Variants in RABGAP1L observed in about 807,000 individuals in gnomAD.
RABGAP1L encodes rab GTPase-activating protein 1-like.
RABGAP1L carries 63 observed loss-of-function variants against 137.7 expected under a neutral mutation model. The ratio of observed to expected loss-of-function variants is 0.46; its 90% CI spans 0.37 to 0.56. The LOEUF (loss-of-function observed/expected upper bound fraction) is 0.56. Among genes scored for constraint, RABGAP1L ranks in the 20% least tolerant of loss-of-function variants. The pLI is 0.00. For missense variants in RABGAP1L, 1,095 were observed against 1,244.0 expected, an observed-to-expected ratio of 0.88 and a Z score of 1.80; for synonymous variants, 431 against 433.7, an observed-to-expected ratio of 0.99 and a Z score of 0.08.
intron 18 of RABGAP1L, among the ~76,000 whole-genome samples, chr1:174,805,655 C>T (rs890157924): frequency 2.0e-5 from 3 of 152,124 alleles, no homozygotes; most frequent in Non-Finnish European, 4.4e-5. Flanking sequence ...GTGCGTGCCA[C>T]CACGCCCAGC....
intron 11 of RABGAP1L, among the ~76,000 whole-genome samples, chr1:174,362,687 G>C (rs1219175149): frequency 6.6e-6 from 1 of 152,144 alleles, no homozygotes; most frequent in Non-Finnish European, 1.5e-5. Context: ...ACTTTTGTCA[G>C]ATGCATAAAT....
Position 174,548,102 on chromosome 1 carries a change from G to A in RABGAP1L, c.1711-89273G>A, listed in dbSNP as rs373552071. The stretch of plus-strand genomic sequence containing the variant: ...CTTAGCATGAGTGCTTTCTTTGCAT[G>A]GGAGGTTGCAGTTTAGAAGCAACTT... On this transcript the variant is annotated intron_variant, in intron 13 of 25. Transcript: ENST00000681986. 18 of 1,539,264 alleles carry A rather than the reference G, an allele frequency of 1.2e-5. No homozygotes were observed. In the African/African-American group the frequency reaches 2.2e-4, roughly 19 times the overall value.
At chr1:174,909,610 G>T (rs571924894) in intron 19 of RABGAP1L, among the ~76,000 whole-genome samples, 1 of 152,106 alleles carries the variant, frequency 6.6e-6, no homozygotes, top group African/African-American at 2.4e-5. Context: ...AAGTGAAAGT[G>T]GTTTTTATGG....
chr1:174,270,737 A>G (rs946255233), intron 7 of RABGAP1L, among the ~76,000 whole-genome samples: 1 of 152,064 alleles, frequency 6.6e-6, no homozygotes, highest in Non-Finnish European at 1.5e-5. Context: ...GGGAGAAATT[A>G]TTTTTTCTTT....
intron 3 of RABGAP1L, among the ~76,000 whole-genome samples, chr1:174,229,073 C>T (rs897129645): frequency 3.3e-5 from 5 of 151,414 alleles, no homozygotes; most frequent in African/African-American, 7.3e-5. Context: ...GCGAAGCAAT[C>T]GTAGATTCAT....
chr1:174,297,471 C>T (rs1453867498), intron 10 of RABGAP1L, among the ~76,000 whole-genome samples: 1 of 152,172 alleles, frequency 6.6e-6, no homozygotes, highest in East Asian at 1.9e-4. Context: ...GCAAACAGGG[C>T]GAACTTCTCG....
chr1:174,872,348 A>G (rs934130103), intron 19 of RABGAP1L, among the ~76,000 whole-genome samples: 1 of 152,116 alleles, frequency 6.6e-6, no homozygotes, highest in African/African-American at 2.4e-5. Flanking sequence ...GTAAAAACTC[A>G]GTAGGTGTTA....
chr1:174,422,195 C>A (rs951782483), intron 13 of RABGAP1L, among the ~76,000 whole-genome samples: 1 of 152,128 alleles, frequency 6.6e-6, no homozygotes, highest in African/African-American at 2.4e-5. Flanking sequence ...TATCTTGATA[C>A]GCTTAATGGC....
At chr1:174,627,264 A>G (rs1672997045) in intron 13 of RABGAP1L, among the ~76,000 whole-genome samples, 1 of 152,222 alleles carries the variant, frequency 6.6e-6, no homozygotes, top group Non-Finnish European at 1.5e-5. Flanking sequence ...AGTCTTCCTC[A>G]CTAAAATACC....
chr1:174,271,913 A>G (rs918286944), intron 7 of RABGAP1L, among the ~76,000 whole-genome samples: 8 of 151,996 alleles, frequency 5.3e-5, no homozygotes, highest in Non-Finnish European at 1.2e-4. Context: ...TAGTATTAAC[A>G]TGCTACTTAG....
chr1:174,492,332 C>T (rs1191343914), intron 13 of RABGAP1L, among the ~76,000 whole-genome samples: 1 of 150,516 alleles, frequency 6.6e-6, no homozygotes, highest in Non-Finnish European at 1.5e-5. Context: ...AGGTGCATGC[C>T]ACCACGCCTG....
intron 19 of RABGAP1L, among the ~76,000 whole-genome samples, chr1:174,910,903 T>G (rs1216120035): frequency 6.6e-6 from 1 of 152,204 alleles, no homozygotes; most frequent in African/African-American, 2.4e-5. Flanking sequence ...CTCAACCATT[T>G]TACATTATCA....
chr1:174,880,885 C>A (rs1465762879), intron 19 of RABGAP1L, among the ~76,000 whole-genome samples: 2 of 152,152 alleles, frequency 1.3e-5, no homozygotes, highest in Non-Finnish European at 2.9e-5. Flanking sequence ...TCACACCCAG[C>A]CAAGAGCCTC....
At chr1:174,249,830 G>C in intron 5 of RABGAP1L, among the ~76,000 whole-genome samples, 1 of 152,094 alleles carries the variant, frequency 6.6e-6, no homozygotes, top group East Asian at 1.9e-4. Context: ...TTTTAGTAGA[G>C]ATGGGGTTTC....
In RABGAP1L at chr1:174,516,619, T is replaced by C. The variant is rs571419378; in HGVS notation, c.1711-120756T>C. On this transcript the variant is annotated intron_variant, in intron 13 of 25. Coordinates refer to ENST00000681986, the MANE Select transcript of RABGAP1L (RefSeq NM_001366446.1). ...AGTTTATCAAGACTCAATAGATAAT[T>C]ACAGTAGATAATATTTACTGAGTAC... Among the ~76,000 whole-genome samples the C allele has an allele frequency of 2.0e-5, 3 of 152,286 alleles. No individual in the cohort carries two copies. The South Asian group carries it at 6.2e-4, about 32-fold the overall frequency.
intron 13 of RABGAP1L, among the ~76,000 whole-genome samples, chr1:174,636,482 C>T (rs968156272): frequency 6.0e-5 from 9 of 149,984 alleles, no homozygotes; most frequent in African/African-American, 1.2e-4. Context: ...GAGCCAAGAT[C>T]GTGCCATTGT....
chr1:174,693,545 G>A (rs1679024734), intron 15 of RABGAP1L, among the ~76,000 whole-genome samples: 1 of 151,944 alleles, frequency 6.6e-6, no homozygotes, highest in African/African-American at 2.4e-5. Flanking sequence ...GGTATATGAT[G>A]GTATGCTGCA....
chr1:174,307,947 G>A lies in RABGAP1L; in HGVS notation c.1465+2820G>A, dbSNP rs1294221572. Among the ~76,000 whole-genome samples, 3 of 151,994 alleles carry A rather than the reference G, an allele frequency of 2.0e-5. No individual in the cohort carries two copies. In the East Asian group the frequency reaches 5.8e-4, roughly 29 times the overall value. On this transcript the variant is annotated intron_variant, in intron 11 of 25. Coordinates refer to ENST00000681986, the MANE Select transcript of RABGAP1L (RefSeq NM_001366446.1). ...GTATATCTACCAATAGTGTTCAAGG[G>A]TTCCCTTTTCTCCACATCCTTGGAA...
At chr1:174,418,925 C>A (rs1445120274) in intron 13 of RABGAP1L, among the ~76,000 whole-genome samples, 2 of 152,132 alleles carry the variant, frequency 1.3e-5, no homozygotes, top group Non-Finnish European at 2.9e-5. Context: ...GTAATCCCAG[C>A]TGCTCAGGAG....
Sources: gnomAD v4.1 joint callset for allele counts (sites outside exome capture counted in the v4.1 genomes callset) on GRCh38, gnomAD v4.1.1 for gene constraint, MANE v1.5 for transcripts, NCBI Gene and HGNC (gene_info 2026-07-23, HGNC 2026-07-21) for gene names.